Variants in ZNF503 observed in about 807,000 individuals in gnomAD.
The protein encoded by ZNF503 is zinc finger protein 503.
A neutral mutation model predicts 34.4 loss-of-function variants in ZNF503; 15 were observed. That is an observed-to-expected ratio of 0.44 (90% CI 0.29 to 0.67). ZNF503 has a LOEUF of 0.67. Ranked by LOEUF, ZNF503 falls within the 30% of genes least tolerant of loss-of-function variation. The pLI is 0.13. For synonymous variants in ZNF503, 580 were observed against 456.8 expected (o/e 1.27, Z -3.44); for missense variants, 1,007 against 926.8 (o/e 1.09, Z -1.12).
At chr10:75,284,390 G>A in the ZNF503 span, among the ~76,000 whole-genome samples, 110 of 151,942 alleles carry the variant, frequency 7.2e-4, 3 homozygotes, top group African/African-American at 2.5e-3. Flanking sequence ...GGGCGTTGGT[G>A]GGGAGGGTTG....
chr10:75,347,433 C>T, the ZNF503 span, among the ~76,000 whole-genome samples: 1 of 152,316 alleles, frequency 6.6e-6, no homozygotes, highest in Non-Finnish European at 1.5e-5. Flanking sequence ...GAGTCAAGGC[C>T]AACCTCCTGC....
the ZNF503 span, chr10:75,382,759 C>T: frequency 2.7e-5 from 9 of 328,970 alleles, no homozygotes; most frequent in East Asian, 8.8e-4. Flanking sequence ...TGGTTGCTCT[C>T]TCAGAATCTC....
chr10:75,359,766 C>T, the ZNF503 span, among the ~76,000 whole-genome samples: 1 of 152,222 alleles, frequency 6.6e-6, no homozygotes, highest in Non-Finnish European at 1.5e-5. Flanking sequence ...AAAGCTATTG[C>T]TGCAGCTCCT....
the ZNF503 span, among the ~76,000 whole-genome samples, chr10:75,342,876 A>G: frequency 2.0e-5 from 3 of 152,190 alleles, no homozygotes; most frequent in Non-Finnish European, 4.4e-5. Context: ...TCACAGCTCC[A>G]TTAATATTTG....
At chr10:75,333,525 A>T in the ZNF503 span, among the ~76,000 whole-genome samples, 1 of 48,872 alleles carries the variant, frequency 2.0e-5, no homozygotes, top group African/African-American at 9.3e-5. Flanking sequence ...ACTTCCCAGT[A>T]GGGGCGGCCG....
the ZNF503 span, among the ~76,000 whole-genome samples, chr10:75,308,654 G>A: frequency 6.6e-6 from 1 of 152,152 alleles, no homozygotes; most frequent in Non-Finnish European, 1.5e-5. Context: ...TTTGGAAGAA[G>A]TTGATTTCAA....
chr10:75,400,102 G>T lies in ZNF503; in HGVS notation c.588C>A (p.Gly196=). 3.7e-6 allele frequency: 3 copies of T among 808,622 alleles called. No individual in the cohort carries two copies. Among genetic ancestry groups the T allele is most frequent in the Non-Finnish European group, 5.2e-6 (3 of 573,262 alleles). 50.1% of individuals were successfully genotyped at this position (808,622 alleles called of 1,614,324 possible). A position where few individuals can be genotyped will look rare whatever the true frequency, so the allele number is the denominator to read the frequency against. Residue 196 remains glycine, a synonymous_variant, in exon 2 of 2, where the codon GGC becomes GGA. Coordinates refer to ENST00000372524, the MANE Select transcript of ZNF503 (RefSeq NM_032772.6). ...KEPGGGGGGG[G]GGGGGGGGVS... is the part of the protein sequence containing the mutation. Reference sequence around the variant, plus strand: ...CACCCCCGCCGCCGCCCCCGCCACCGCCACCGCCTCCACCGCCGCCTCCCG... The same window carrying T: ...CACCCCCGCCGCCGCCCCCGCCACCTCCACCGCCTCCACCGCCGCCTCCCG...
the ZNF503 span, among the ~76,000 whole-genome samples, chr10:75,363,621 C>T: frequency 6.6e-6 from 1 of 152,236 alleles, no homozygotes; most frequent in Non-Finnish European, 1.5e-5. Flanking sequence ...TACTCCACAG[C>T]CCTAGGGGGC....
In ZNF503 at chr10:75,401,370, C is replaced by T. The variant is rs1283645789; in HGVS notation, c.50G>A (p.Gly17Asp). ...GCCTCCGCCTCCGCCGCCGCCGCCG[C>T]CGCTGTGCTTACTGCTTCTTAGGGC... ...LSALRSSKHS[G>D]GGGGGGGGGG... The change falls in exon 1 of 2, where the codon GGC becomes GAC. Residue 17 changes from glycine to aspartate, a missense_variant. Transcript: ENST00000372524. 5 of 1,539,698 alleles carry T rather than the reference C, an allele frequency of 3.2e-6. No homozygotes were observed. The highest frequency in any genetic ancestry group is 4.4e-6 in the Non-Finnish European group (5 of 1,146,560).
At chr10:75,282,170 T>C in the ZNF503 span, among the ~76,000 whole-genome samples, 495 of 152,318 alleles carry the variant, frequency 3.2e-3, 3 homozygotes, top group African/African-American at 0.011. Flanking sequence ...ATGATTGGTC[T>C]AAACAAGTCA....
chr10:75,358,392 A>T, the ZNF503 span: 6 of 152,170 alleles, frequency 3.9e-5, no homozygotes, highest in Admixed American at 2.6e-4. Flanking sequence ...AGCATTTCCA[A>T]TGGAGGGTTG....
the ZNF503 span, among the ~76,000 whole-genome samples, chr10:75,318,589 A>G: frequency 1.3e-5 from 2 of 150,540 alleles, no homozygotes; most frequent in East Asian, 2.0e-4. Context: ...GGATCGATTG[A>G]GCCTAGGAGT....
chr10:75,357,275 T>TG, the ZNF503 span, among the ~76,000 whole-genome samples: 1 of 151,644 alleles, frequency 6.6e-6, no homozygotes, highest in South Asian at 2.1e-4. Flanking sequence ...TCCAACACTT[T>TG]GGGGGGCAGA....
chr10:75,366,103 A>C, the ZNF503 span, among the ~76,000 whole-genome samples: 1 of 152,236 alleles, frequency 6.6e-6, no homozygotes, highest in Non-Finnish European at 1.5e-5. Context: ...CTACATAGTT[A>C]TCTACATAGG....
chr10:75,353,189 G>T, the ZNF503 span, among the ~76,000 whole-genome samples: 2 of 152,230 alleles, frequency 1.3e-5, no homozygotes, highest in Admixed American at 1.3e-4. Flanking sequence ...AAAAGGCATT[G>T]TTTACTGATG....
the ZNF503 span, among the ~76,000 whole-genome samples, chr10:75,287,113 C>T: frequency 5.9e-5 from 9 of 152,146 alleles, no homozygotes; most frequent in Non-Finnish European, 5.9e-5. Context: ...CAGTCTGTCT[C>T]TGTCCCCGTG....
At chr10:75,384,927 CA>C in the ZNF503 span, among the ~76,000 whole-genome samples, 1 of 152,226 alleles carries the variant, frequency 6.6e-6, no homozygotes, top group Non-Finnish European at 1.5e-5. Context: ...TTGTTCCTCA[CA>C]AAGGTGCTCA....
chr10:75,385,088 C>T, the ZNF503 span, among the ~76,000 whole-genome samples: 7 of 152,230 alleles, frequency 4.6e-5, no homozygotes, highest in South Asian at 2.1e-4. Flanking sequence ...TATGGGGCCA[C>T]GCCAAGGACA....
At chr10:75,330,801 T>G in the ZNF503 span, among the ~76,000 whole-genome samples, 1 of 152,172 alleles carries the variant, frequency 6.6e-6, no homozygotes, top group Non-Finnish European at 1.5e-5. Context: ...AAACAAATTT[T>G]CATTTTGTTA....
Sources: gnomAD v4.1 joint callset for allele counts (sites outside exome capture counted in the v4.1 genomes callset) on GRCh38, gnomAD v4.1.1 for gene constraint, MANE v1.5 for transcripts, NCBI Gene and HGNC (gene_info 2026-07-23, HGNC 2026-07-21) for gene names.